The following TAS2R1 variants were observed in gnomAD, a reference collection of about 807,000 sequenced individuals.
TAS2R1 encodes taste receptor type 2 member 1.
For synonymous variants in TAS2R1, 141 were observed against 134.2 expected (o/e 1.05, Z -0.35); for missense variants, 370 against 353.4 (o/e 1.05, Z -0.38).
chr5:9,738,642 G>A, the TAS2R1 span, among the ~76,000 whole-genome samples: 1 of 152,118 alleles, frequency 6.6e-6, no homozygotes, highest in South Asian at 2.1e-4. Context: ...GCTGATTTAT[G>A]AACCAATTCA....
the TAS2R1 span, among the ~76,000 whole-genome samples, chr5:9,856,235 TC>T: frequency 6.6e-6 from 1 of 152,162 alleles, no homozygotes; most frequent in Non-Finnish European, 1.5e-5. Context: ...AGAAACTTAC[TC>T]TACTTTGACC....
the TAS2R1 span, among the ~76,000 whole-genome samples, chr5:9,815,740 C>T: frequency 6.6e-6 from 1 of 151,926 alleles, no homozygotes; most frequent in East Asian, 1.9e-4. Flanking sequence ...CTCAACATCT[C>T]ACATGTCCCA....
At chr5:9,873,269 C>T in the TAS2R1 span, among the ~76,000 whole-genome samples, 384 of 152,154 alleles carry the variant, frequency 2.5e-3, 2 homozygotes, top group South Asian at 4.4e-3. Context: ...TACGACGGGC[C>T]CTGGGGACCC....
chr5:9,896,997 A>C, the TAS2R1 span, among the ~76,000 whole-genome samples: 1 of 152,218 alleles, frequency 6.6e-6, no homozygotes. Context: ...CTCTGCACTC[A>C]AGCATTTTAC....
At chr5:9,770,180 T>C in the TAS2R1 span, among the ~76,000 whole-genome samples, 1 of 152,180 alleles carries the variant, frequency 6.6e-6, no homozygotes, top group Non-Finnish European at 1.5e-5. Flanking sequence ...CTTTCACCAA[T>C]GTATGTTCTT....
At chr5:9,895,289 A>G in the TAS2R1 span, among the ~76,000 whole-genome samples, 1 of 152,204 alleles carries the variant, frequency 6.6e-6, no homozygotes, top group Non-Finnish European at 1.5e-5. Flanking sequence ...TCCTGCTTTG[A>G]AAGTGGACCT....
chr5:9,725,796 T>G, the TAS2R1 span, among the ~76,000 whole-genome samples: 1 of 152,254 alleles, frequency 6.6e-6, no homozygotes, highest in South Asian at 2.1e-4. Context: ...GGCTCCTGCG[T>G]CTGGTGGGGA....
chr5:9,765,365 T>C, the TAS2R1 span: 1 of 152,128 alleles, frequency 6.6e-6, no homozygotes, highest in Admixed American at 6.5e-5. Flanking sequence ...TGGGTTGGGA[T>C]GGGATTCAGT....
intron 2 of TAS2R1, among the ~76,000 whole-genome samples, chr5:9,649,578 T>A (rs1166775815): frequency 1.3e-5 from 2 of 152,156 alleles, no homozygotes; most frequent in African/African-American, 4.8e-5. Context: ...CAATAAAAAG[T>A]CAGCAATAAC....
At chr5:9,734,612 G>A in the TAS2R1 span, among the ~76,000 whole-genome samples, 5 of 152,090 alleles carry the variant, frequency 3.3e-5, no homozygotes, top group Admixed American at 6.6e-5. Context: ...TTCATAATTT[G>A]CCTACTATGT....
At chr5:9,836,886 C>T in the TAS2R1 span, among the ~76,000 whole-genome samples, 3 of 152,156 alleles carry the variant, frequency 2.0e-5, no homozygotes, top group Non-Finnish European at 4.4e-5. Context: ...GCATGAGGAT[C>T]TAATGATGTT....
chr5:9,729,297 T>C, the TAS2R1 span, among the ~76,000 whole-genome samples: 1 of 135,170 alleles, frequency 7.4e-6, no homozygotes, highest in East Asian at 2.2e-4. Context: ...CCTGACATCA[T>C]GGGACAGTCA....
the TAS2R1 span, among the ~76,000 whole-genome samples, chr5:9,725,140 G>A: frequency 1.1e-4 from 16 of 152,264 alleles, no homozygotes; most frequent in East Asian, 3.9e-4. Flanking sequence ...AGGTGACAGC[G>A]TGCTGGCAGT....
chr5:9,871,135 G>A, the TAS2R1 span, among the ~76,000 whole-genome samples: 1 of 152,128 alleles, frequency 6.6e-6, no homozygotes. Context: ...ACCAAGGTCA[G>A]TCTCCAGGGC....
the TAS2R1 span, chr5:9,869,972 T>C: frequency 6.6e-6 from 1 of 152,266 alleles, no homozygotes; most frequent in Non-Finnish European, 1.5e-5. Flanking sequence ...CTTGACCTTT[T>C]ATTTATTTGT....
intron 1 of TAS2R1, among the ~76,000 whole-genome samples, chr5:9,676,917 A>C (rs2126507022): frequency 6.6e-6 from 1 of 152,322 alleles, no homozygotes; most frequent in African/African-American, 2.4e-5. Flanking sequence ...TTTTACCCAA[A>C]GAAATATAAA....
At chr5:9,658,933 A>G (rs1374440220) in intron 2 of TAS2R1, 1 of 152,244 alleles carries the variant, frequency 6.6e-6, no homozygotes, top group Non-Finnish European at 1.5e-5. Context: ...TGACTATAGC[A>G]TTCCACAAAA....
chr5:9,725,102 G>T, the TAS2R1 span, among the ~76,000 whole-genome samples: 4 of 152,246 alleles, frequency 2.6e-5, no homozygotes, highest in African/African-American at 9.6e-5. Context: ...AGAGAAGGGG[G>T]TGAACTAGGT....
the TAS2R1 span, among the ~76,000 whole-genome samples, chr5:9,861,607 A>C: frequency 6.6e-6 from 1 of 152,188 alleles, no homozygotes; most frequent in Non-Finnish European, 1.5e-5. Context: ...CTGGCACCTA[A>C]GGGAGAAGGT....
Sources: gnomAD v4.1 joint callset for allele counts (sites outside exome capture counted in the v4.1 genomes callset) on GRCh38, gnomAD v4.1.1 for gene constraint, MANE v1.5 for transcripts, NCBI Gene and HGNC (gene_info 2026-07-23, HGNC 2026-07-21) for gene names.